FAF1: variants seen among roughly 807,000 people sequenced by gnomAD.
The protein encoded by FAF1 is FAS-associated factor 1.
In FAF1, 25 loss-of-function variants were observed where a neutral mutation model predicts 92.5. The ratio of observed to expected loss-of-function variants is 0.27; its 90% CI spans 0.20 to 0.38. The LOEUF (loss-of-function observed/expected upper bound fraction) is 0.38. Among genes scored for constraint, FAF1 ranks in the 10% least tolerant of loss-of-function variants. The probability of loss-of-function intolerance (pLI) is 1.00; values close to 1 mark genes in which losing one functional copy is unlikely to be tolerated. For missense variants in FAF1, 636 were observed against 793.3 expected, an observed-to-expected ratio of 0.80 and a Z score of 2.38; for synonymous variants, 234 against 273.2, an observed-to-expected ratio of 0.86 and a Z score of 1.42.
chr1:50,573,044 CAAACA>C (rs1650521284), intron 12 of FAF1, among the ~76,000 whole-genome samples: 2 of 151,690 alleles, frequency 1.3e-5, no homozygotes, highest in Non-Finnish European at 2.9e-5. Context: ...TAAGTAGAAA[CAAACA>C]AACCACAGTA....
intron 17 of FAF1, among the ~76,000 whole-genome samples, chr1:50,487,606 G>A (rs192928316): frequency 6.6e-6 from 1 of 152,108 alleles, no homozygotes; most frequent in Non-Finnish European, 1.5e-5. Context: ...CCAATGACCA[G>A]ATCAATATAC....
chr1:50,604,362 C>T (rs1321385345), intron 8 of FAF1, among the ~76,000 whole-genome samples: 1 of 152,184 alleles, frequency 6.6e-6, no homozygotes, highest in Non-Finnish European at 1.5e-5. Context: ...GGCAGTTTCT[C>T]CTCACAAGAT....
chr1:50,616,048 G>A (rs910409724), intron 8 of FAF1, among the ~76,000 whole-genome samples: 2 of 152,044 alleles, frequency 1.3e-5, no homozygotes, highest in African/African-American at 4.8e-5. Context: ...AAAATTTAAG[G>A]TGCCTAGTTC....
chr1:50,871,973 G>A (rs1176156344), intron 1 of FAF1, among the ~76,000 whole-genome samples: 3 of 150,704 alleles, frequency 2.0e-5, no homozygotes, highest in East Asian at 2.0e-4. Flanking sequence ...GCTGAGGCAG[G>A]AGAATGGCAT....
chr1:50,557,494 A>G (rs1000266820), intron 13 of FAF1, among the ~76,000 whole-genome samples: 2 of 152,210 alleles, frequency 1.3e-5, no homozygotes, highest in Non-Finnish European at 2.9e-5. Flanking sequence ...TTACTCTCCA[A>G]TTCCAGACTA....
intron 9 of FAF1, among the ~76,000 whole-genome samples, chr1:50,591,326 C>T (rs1448059414): frequency 6.6e-6 from 1 of 152,150 alleles, no homozygotes; most frequent in African/African-American, 2.4e-5. Context: ...CACAGCAGAG[C>T]GCTCTTCACT....
chr1:50,660,713 C>T (rs995637705), intron 7 of FAF1, among the ~76,000 whole-genome samples: 3 of 151,950 alleles, frequency 2.0e-5, no homozygotes, highest in South Asian at 2.1e-4. Context: ...AGGCTAGTCT[C>T]GAGCTCCTGA....
At chr1:50,521,816 C>G (rs1304228383) in intron 15 of FAF1, among the ~76,000 whole-genome samples, 2 of 152,172 alleles carry the variant, frequency 1.3e-5, no homozygotes, top group Non-Finnish European at 2.9e-5. Context: ...CTAAGCTTGT[C>G]AAAAAGTGTT....
intron 8 of FAF1, among the ~76,000 whole-genome samples, chr1:50,601,419 C>T (rs575527083): frequency 6.6e-6 from 1 of 152,172 alleles, no homozygotes; most frequent in South Asian, 2.1e-4. Context: ...CGGTGTGAGA[C>T]ACCTGTAATT....
At chr1:50,594,451 A>G (rs1463809123) in intron 9 of FAF1, among the ~76,000 whole-genome samples, 1 of 152,204 alleles carries the variant, frequency 6.6e-6, no homozygotes, top group African/African-American at 2.4e-5. Flanking sequence ...ATATTTCTTA[A>G]ATAAGTTAAA....
chr1:50,946,779 C>T (rs976834444), intron 1 of FAF1, among the ~76,000 whole-genome samples: 2 of 152,154 alleles, frequency 1.3e-5, no homozygotes, highest in African/African-American at 4.8e-5. Flanking sequence ...TAGGGCAACA[C>T]AAAATAGACC....
chr1:50,920,304 A>G (rs1346880710), intron 1 of FAF1, among the ~76,000 whole-genome samples: 1 of 150,720 alleles, frequency 6.6e-6, no homozygotes, highest in East Asian at 1.9e-4. Flanking sequence ...TCTGTCTCAA[A>G]AAAAAAAAAA....
chr1:50,849,715 A>T (rs1432165281), intron 2 of FAF1, among the ~76,000 whole-genome samples: 3 of 152,182 alleles, frequency 2.0e-5, no homozygotes, highest in Non-Finnish European at 4.4e-5. Flanking sequence ...GCATAAGTAA[A>T]ACATAATAAA....
chr1:50,801,187 C>T (rs1661976200), intron 3 of FAF1, among the ~76,000 whole-genome samples: 1 of 152,100 alleles, frequency 6.6e-6, no homozygotes, highest in Admixed American at 6.5e-5. Context: ...TAAGAACTGC[C>T]TCAAATTGTT....
intron 5 of FAF1, among the ~76,000 whole-genome samples, chr1:50,743,183 C>T (rs1484874521): frequency 1.3e-5 from 2 of 152,176 alleles, no homozygotes; most frequent in African/African-American, 4.8e-5. Context: ...CCCAAACTTC[C>T]TGTAAATATC....
intron 15 of FAF1, among the ~76,000 whole-genome samples, chr1:50,515,485 T>C (rs935849905): frequency 4.6e-5 from 7 of 152,242 alleles, no homozygotes; most frequent in African/African-American, 1.4e-4. Flanking sequence ...TCAGTAGGTC[T>C]AGCTTGGAAG....
chr1:50,885,295 T>TCTCTCTCTC (rs1644649703), intron 1 of FAF1, among the ~76,000 whole-genome samples: 107 of 137,260 alleles, frequency 7.8e-4, no homozygotes, highest in African/African-American at 2.9e-3. Context: ...CCGTGTCTCT[T>TCTCTCTCTC]TCTCTCTCTC....
At chr1:50,449,259 A>C (rs1646264780) in intron 18 of FAF1, among the ~76,000 whole-genome samples, 1 of 152,106 alleles carries the variant, frequency 6.6e-6, no homozygotes, top group Non-Finnish European at 1.5e-5. Flanking sequence ...GAGAACACTA[A>C]AGCTCAAATA....
intron 7 of FAF1, among the ~76,000 whole-genome samples, chr1:50,658,924 T>C (rs1319101455): frequency 6.6e-6 from 1 of 152,196 alleles, no homozygotes; most frequent in African/African-American, 2.4e-5. Context: ...GTTACCAGTA[T>C]ATGGATGAAG....
Sources: gnomAD v4.1 joint callset for allele counts (sites outside exome capture counted in the v4.1 genomes callset) on GRCh38, gnomAD v4.1.1 for gene constraint, MANE v1.5 for transcripts, NCBI Gene and HGNC (gene_info 2026-07-23, HGNC 2026-07-21) for gene names.